The following TBC1D4 variants were observed in gnomAD, a reference collection of about 807,000 sequenced individuals.
TBC1D4 encodes TBC1 domain family member 4, also known as TBC (Tre-2, BUB2, CDC16) domain-containing protein.
Under a neutral mutation model 142.5 loss-of-function variants are expected in TBC1D4, and 121 were observed. The ratio of observed to expected loss-of-function variants is 0.85; its 90% CI spans 0.73 to 0.99. TBC1D4 has a LOEUF of 0.99. TBC1D4 is among the 50% of genes least tolerant of loss of function. TBC1D4 has a pLI of 0.00. For synonymous variants in TBC1D4, 630 were observed against 628.2 expected (o/e 1.00, Z -0.04); for missense variants, 1,475 against 1,606.6 (o/e 0.92, Z 1.40).
At chr13:75,371,111 T>C (rs1042382792) in intron 1 of TBC1D4, among the ~76,000 whole-genome samples, 1 of 152,072 alleles carries the variant, frequency 6.6e-6, no homozygotes, top group East Asian at 1.9e-4. Flanking sequence ...ACAGGTGACT[T>C]TGACAAGAAA....
chr13:75,474,510 G>A (rs1888552519), intron 1 of TBC1D4, among the ~76,000 whole-genome samples: 1 of 152,176 alleles, frequency 6.6e-6, no homozygotes, highest in Admixed American at 6.5e-5. Flanking sequence ...AGTGAGCCGA[G>A]ATTGCGCCAC....
chr13:75,322,010 A>C (rs1486374975), intron 11 of TBC1D4, among the ~76,000 whole-genome samples: 1 of 152,208 alleles, frequency 6.6e-6, no homozygotes, highest in Non-Finnish European at 1.5e-5. Flanking sequence ...TGAGGTCAGC[A>C]TGGGGATGGT....
chr13:75,302,183 A>G, intron 16 of TBC1D4, 60 bp downstream of exon 16: 2 of 1,608,726 alleles, frequency 1.2e-6, no homozygotes, highest in Middle Eastern at 1.8e-4. Flanking sequence ...AAACCAAAAA[A>G]ACTTAACAGA....
chr13:75,285,937 T>C lies in TBC1D4; in HGVS notation c.*855A>G, dbSNP rs1874627718. ...AATTCATTCACAACTGAATGAGTTA[T>C]TCAAATAAAAAAAGCAGAAAGCTAA... On this transcript the variant is annotated 3_prime_UTR_variant, in exon 21 of 21. Transcript: ENST00000377636. 6.6e-6 allele frequency: 1 copy of C among 152,622 alleles called. No individual in the cohort carries two copies. The highest frequency in any genetic ancestry group is 1.5e-5 in the Non-Finnish European group (1 of 68,026). The allele number at this position is 152,622 out of a possible 1,614,324, so 9.5% of individuals were successfully genotyped here. A position where few individuals can be genotyped will look rare whatever the true frequency, so the allele number is the denominator to read the frequency against.
At chr13:75,341,095 A>T in intron 7 of TBC1D4, 30 bp downstream of exon 7, 1 of 1,574,102 alleles carries the variant, frequency 6.4e-7, no homozygotes, top group Non-Finnish European at 8.7e-7. Flanking sequence ...ACAACAACAA[A>T]AGTAGGTGAA....
At chr13:75,462,183 A>T (rs1160879785) in intron 1 of TBC1D4, among the ~76,000 whole-genome samples, 4 of 152,138 alleles carry the variant, frequency 2.6e-5, no homozygotes, top group Admixed American at 6.5e-5. Flanking sequence ...TATTATTATT[A>T]TTTTTATTAG....
chr13:75,362,448 T>A lies in TBC1D4; in HGVS notation c.658A>T (p.Ser220Cys), dbSNP rs777343144. 4 of 1,614,238 alleles carry A rather than the reference T, an allele frequency of 2.5e-6. No individual in the cohort carries two copies. In the East Asian group the frequency reaches 8.9e-5, roughly 36 times the overall value. ...TTCTCCATGCAGTCATCGATGAGGCTTGAGGGGGCCTTCTTGTGGGTCACG... is the reference window on the plus strand; with the variant it reads ...TTCTCCATGCAGTCATCGATGAGGCATGAGGGGGCCTTCTTGTGGGTCACG... ...VTVTHKKAPS[S>C]LIDDCMEKFS... is the part of the protein sequence containing the mutation. The change falls in exon 2 of 21, where the codon AGC becomes TGC. Residue 220 changes from serine to cysteine, a missense_variant. Physicochemically the swap from Ser to Cys is moderately radical, Grantham distance 112 (BLOSUM62 -1). Transcript: ENST00000377636. The surrounding 1 kb of genome is among the most constrained non-coding windows in gnomAD (Gnocchi z 4.2).
At chr13:75,319,516 C>T (rs1878579182) in intron 12 of TBC1D4, among the ~76,000 whole-genome samples, 1 of 152,160 alleles carries the variant, frequency 6.6e-6, no homozygotes, top group Non-Finnish European at 1.5e-5. Context: ...GAGGTCTGAA[C>T]GGCTTTAGCA....
At chr13:75,382,117 T>C (rs1883890569) in intron 1 of TBC1D4, among the ~76,000 whole-genome samples, 1 of 152,116 alleles carries the variant, frequency 6.6e-6, no homozygotes, top group Non-Finnish European at 1.5e-5. Flanking sequence ...AGCTCTTTGT[T>C]AATATCCTCA....
chr13:75,337,440 G>T (rs993489836), intron 7 of TBC1D4, among the ~76,000 whole-genome samples: 2 of 152,074 alleles, frequency 1.3e-5, no homozygotes, highest in Non-Finnish European at 2.9e-5. Flanking sequence ...AAAGAACAAA[G>T]CATTTTCCAA....
intron 12 of TBC1D4, among the ~76,000 whole-genome samples, chr13:75,314,265 A>C (rs1733734215): frequency 6.6e-6 from 1 of 152,188 alleles, no homozygotes; most frequent in Admixed American, 6.5e-5. Flanking sequence ...ACAGGTGATG[A>C]TACCAACAAA....
intron 4 of TBC1D4, among the ~76,000 whole-genome samples, chr13:75,351,794 T>C (rs925051827): frequency 2.4e-4 from 36 of 152,194 alleles, no homozygotes; most frequent in Non-Finnish European, 4.3e-4. Context: ...TGTGCCACAT[T>C]TTCTTAATCT....
At chr13:75,325,004 T>A (rs1466232685) in intron 10 of TBC1D4, among the ~76,000 whole-genome samples, 1 of 152,202 alleles carries the variant, frequency 6.6e-6, no homozygotes, top group Non-Finnish European at 1.5e-5. Flanking sequence ...ACAGAGAGCA[T>A]CTTTTTATAG....
chr13:75,371,182 C>T (rs1442071795), intron 1 of TBC1D4, among the ~76,000 whole-genome samples: 1 of 152,008 alleles, frequency 6.6e-6, no homozygotes, highest in Non-Finnish European at 1.5e-5. Context: ...ATTTCAAGAA[C>T]GAAATTCAAA....
At chr13:75,447,333 G>A (rs973688383) in intron 1 of TBC1D4, among the ~76,000 whole-genome samples, 5 of 152,218 alleles carry the variant, frequency 3.3e-5, no homozygotes, top group South Asian at 4.1e-4. Context: ...GCGAGTTCCA[G>A]TTTCATTACA....
At chr13:75,355,585 C>T (rs1881977384) in intron 4 of TBC1D4, among the ~76,000 whole-genome samples, 1 of 152,036 alleles carries the variant, frequency 6.6e-6, no homozygotes, top group Non-Finnish European at 1.5e-5. Context: ...GGACATAATG[C>T]CTTGAACTCC....
chr13:75,431,079 AGGGAAATGAGGCATCAAT>A (rs1425201147), intron 1 of TBC1D4, among the ~76,000 whole-genome samples: 1 of 152,234 alleles, frequency 6.6e-6, no homozygotes, highest in Non-Finnish European at 1.5e-5. Flanking sequence ...GGAGAATAAA[AGGGAAATGAGGCATCAAT>A]GGGCTTTACA....
At chr13:75,298,079 C>A (rs1876137596) in intron 17 of TBC1D4, among the ~76,000 whole-genome samples, 1 of 144,500 alleles carries the variant, frequency 6.9e-6, no homozygotes, top group Admixed American at 7.1e-5. Context: ...ATATTAAAGG[C>A]AAAAAACTCA....
chr13:75,333,231 A>G (rs1422635632), intron 8 of TBC1D4, among the ~76,000 whole-genome samples: 1 of 152,226 alleles, frequency 6.6e-6, no homozygotes, highest in Non-Finnish European at 1.5e-5. Flanking sequence ...CTTTGTTCAC[A>G]GGAGTTAAAA....
Sources: gnomAD v4.1 joint callset for allele counts (sites outside exome capture counted in the v4.1 genomes callset) on GRCh38, gnomAD v4.1.1 for gene constraint, Gnocchi (gnomAD v3.1) non-coding constraint, MANE v1.5 for transcripts, NCBI Gene and HGNC (gene_info 2026-07-23, HGNC 2026-07-21) for gene names.